The following SPAG6 variants were observed in gnomAD, a reference collection of about 807,000 sequenced individuals.
SPAG6 encodes the protein sperm associated antigen 6.
A neutral mutation model predicts 58.5 loss-of-function variants in SPAG6; 49 were observed. The ratio of observed to expected loss-of-function variants is 0.84; its 90% confidence interval spans 0.67 to 1.06. The LOEUF is 1.06. SPAG6 is among the 50% of genes least tolerant of loss of function. SPAG6 has a pLI of 0.00. For synonymous variants in SPAG6, 233 were observed against 225.6 expected, an observed-to-expected ratio of 1.03 and a Z score of -0.29; for missense variants, 560 against 611.3, an observed-to-expected ratio of 0.92 and a Z score of 0.89.
intron 9 of SPAG6, 50 bp from the exon 10 acceptor site, chr10:22,410,981 A>C: frequency 2.5e-6 from 4 of 1,569,982 alleles, no homozygotes; most frequent in Non-Finnish European, 3.4e-6. Context: ...AATAGTAATA[A>C]TCTAACTTGG....
chr10:22,359,169 C>G (rs1836959098), intron 2 of SPAG6, among the ~76,000 whole-genome samples: 1 of 152,104 alleles, frequency 6.6e-6, no homozygotes, highest in Non-Finnish European at 1.5e-5. Context: ...ATGCCTGAGT[C>G]AGATGGTAAT....
In SPAG6 at chr10:22,401,211, C is replaced by T. The variant is rs772840498; in HGVS notation, c.1248C>T (p.Ala416=). ...TGCAAAAATGTACCTACTTACCAGCCCTTGAACCATTTCTATATGATGCTC... is the reference window on the plus strand; with the variant it reads ...TGCAAAAATGTACCTACTTACCAGCTCTTGAACCATTTCTATATGATGCTC... ...NILQKCTYLP[A]LEPFLYDAPP... is the part of the protein sequence containing the mutation. The change falls in exon 9 of 11, where the codon GCC becomes GCT. Residue 416 remains alanine, a synonymous_variant. Coordinates refer to ENST00000376624, the MANE Select transcript of SPAG6 (RefSeq NM_012443.4). 6.2e-7 allele frequency: 1 copy of T among 1,609,092 alleles called. No homozygotes were observed. The highest frequency in any genetic ancestry group is 1.1e-5 in the South Asian group (1 of 90,940).
At position 22,345,510 on chromosome 10, in the gene SPAG6, C is replaced by T. The variant is rs1011519934; in HGVS notation, c.-102C>T. On this transcript the variant is annotated 5_prime_UTR_variant, in exon 1 of 11. Transcript: ENST00000376624. The surrounding 1 kb of genome is among the most constrained non-coding windows in gnomAD (Gnocchi z 6.3). ...CGCGGGTACACAGAGAAGCGGCTCCCGTCGGAGGCCGAGTCGTCGCCACGA... is the reference window on the plus strand; with the variant it reads ...CGCGGGTACACAGAGAAGCGGCTCCTGTCGGAGGCCGAGTCGTCGCCACGA... 14 of 988,710 alleles carry T rather than the reference C, an allele frequency of 1.4e-5. No homozygotes were observed. In the Admixed American group the frequency reaches 3.5e-4, roughly 25 times the overall value. The allele number at this position is 988,710 out of a possible 1,614,324, so 61.2% of individuals were successfully genotyped here.
chr10:22,367,009 G>GT (rs34674831), intron 3 of SPAG6, among the ~76,000 whole-genome samples: 5,779 of 143,682 alleles, frequency 0.04, 200 homozygotes, highest in Admixed American at 0.11. Context: ...GTTTTGCTGG[G>GT]TTTTTTTTTT....
chr10:22,349,559 G>C (rs2132026956), intron 2 of SPAG6, among the ~76,000 whole-genome samples: 1 of 152,220 alleles, frequency 6.6e-6, no homozygotes, highest in South Asian at 2.1e-4. Flanking sequence ...GAGGTCTTTT[G>C]AAATACACTA....
chr10:22,355,087 C>G (rs1347141119), intron 2 of SPAG6, among the ~76,000 whole-genome samples: 1 of 151,996 alleles, frequency 6.6e-6, no homozygotes, highest in Admixed American at 6.5e-5. Flanking sequence ...ATGATTAATG[C>G]TAATGGTAGA....
intron 4 of SPAG6, among the ~76,000 whole-genome samples, chr10:22,372,575 C>A (rs1328752574): frequency 6.6e-6 from 1 of 152,140 alleles, no homozygotes; most frequent in Non-Finnish European, 1.5e-5. Context: ...TGACTGAAGT[C>A]CTGTGGCTCT....
Position 22,345,512 on chromosome 10 carries a change from T to C in SPAG6, c.-100T>C. 1 of 1,022,810 alleles carries C rather than the reference T, an allele frequency of 9.8e-7. No individual in the cohort carries two copies. The highest frequency in any genetic ancestry group is 1.4e-6 in the Non-Finnish European group (1 of 715,862). 63.4% of individuals were successfully genotyped at this position (1,022,810 alleles called of 1,614,324 possible). A position where few individuals can be genotyped will look rare whatever the true frequency, so the allele number is the denominator to read the frequency against. ...CGGGTACACAGAGAAGCGGCTCCCGTCGGAGGCCGAGTCGTCGCCACGATC... is the reference window on the plus strand; with the variant it reads ...CGGGTACACAGAGAAGCGGCTCCCGCCGGAGGCCGAGTCGTCGCCACGATC... On this transcript the variant is annotated 5_prime_UTR_variant, in exon 1 of 11. Transcript: ENST00000376624. This position sits in a 1 kb window ranked among gnomAD's most constrained non-coding sequence, Gnocchi z 6.3.
At position 22,401,281 on chromosome 10, in the gene SPAG6, A is replaced by G. The variant is rs1273381776; in HGVS notation, c.1314+4A>G. 6.0e-6 allele frequency: 8 copies of G among 1,341,632 alleles called. No individual in the cohort carries two copies. The highest frequency in any genetic ancestry group is 1.7e-5 in the Admixed American group (1 of 58,464). 83.1% of individuals were successfully genotyped at this position (1,341,632 alleles called of 1,614,324 possible). A position where few individuals can be genotyped will look rare whatever the true frequency, so the allele number is the denominator to read the frequency against. On this transcript the variant is annotated splice_donor_region_variant and intron_variant, in intron 9 of 10. Transcript: ENST00000376624. ...TGTGGTTGGACAGTTCAGTAAGGTA[A>G]GAAATGCCAGCCTCTAAGGGGAGGA...
chr10:22,388,834 T>TG lies in SPAG6; in HGVS notation c.853-319dup, dbSNP rs570375047. On this transcript the variant is annotated intron_variant, in intron 6 of 10. Coordinates refer to ENST00000376624, the MANE Select transcript of SPAG6 (RefSeq NM_012443.4). ...TCTGCTTCATACTCACCCATTGTGA[T>TG]GGGGGGGTTTCAGTAGTTAGTTATG... Among the ~76,000 whole-genome samples the TG allele has an allele frequency of 1.6e-4, 24 of 152,192 alleles. No homozygotes were observed. The East Asian group carries it at 3.5e-3, about 22-fold the overall frequency.
intron 2 of SPAG6, among the ~76,000 whole-genome samples, chr10:22,348,139 C>T (rs572742782): frequency 1.4e-4 from 22 of 152,062 alleles, no homozygotes; most frequent in African/African-American, 3.6e-4. Flanking sequence ...TACAGGTGTG[C>T]GCCACCATGC....
chr10:22,414,732 G>A (rs1834827790), intron 10 of SPAG6, among the ~76,000 whole-genome samples: 1 of 152,128 alleles, frequency 6.6e-6, no homozygotes, highest in Non-Finnish European at 1.5e-5. Flanking sequence ...CAAATTTTAT[G>A]TAATCTAAAT....
chr10:22,401,881 G>C (rs758410734), intron 9 of SPAG6, among the ~76,000 whole-genome samples: 16 of 152,170 alleles, frequency 1.1e-4, no homozygotes, highest in Admixed American at 2.0e-4. Context: ...GAATGACTCT[G>C]TTACCACAGA....
At chr10:22,405,026 G>C (rs1358248225) in intron 9 of SPAG6, among the ~76,000 whole-genome samples, 1 of 152,206 alleles carries the variant, frequency 6.6e-6, no homozygotes, top group Non-Finnish European at 1.5e-5. Flanking sequence ...TCAGCTTAAA[G>C]AGATTTTGGG....
At position 22,386,974 on chromosome 10, in the gene SPAG6, G is replaced by C; in HGVS notation, c.678+15G>C. The stretch of plus-strand genomic sequence containing the variant: ...CTAAATTGAAGGTATTTCAAAATAA[G>C]GTTGAAAAATACATCAGCCTTCTTA... On this transcript the variant is annotated intron_variant, in intron 5 of 10. Transcript: ENST00000376624. The C allele has an allele frequency of 6.3e-7, 1 of 1,598,366 alleles. No homozygotes were observed. Among genetic ancestry groups the C allele is most frequent in the Non-Finnish European group, 8.6e-7 (1 of 1,167,146 alleles).
Position 22,391,756 on chromosome 10 carries a change from T to A in SPAG6, c.1033T>A (p.Ser345Thr). The part of the protein sequence containing the change: ...KGVPQLSVCL[S>T]EEPEDHIKAA... The stretch of plus-strand genomic sequence containing the variant: ...TGTACCCCAGTTGTCAGTCTGCTTG[T>A]CAGAAGAACCGGAAGATCATATTAA... Residue 345 changes from serine (S) to threonine (T), a missense_variant, in exon 8 of 11, where the codon TCA becomes ACA. Transcript: ENST00000376624. 1 of 1,613,436 alleles carries A rather than the reference T, an allele frequency of 6.2e-7. No homozygotes were observed. Among genetic ancestry groups the A allele is most frequent in the Non-Finnish European group, 8.5e-7 (1 of 1,179,660 alleles).
intron 3 of SPAG6, 100 bp from the exon 4 acceptor site, chr10:22,368,395 A>G (rs1274844824): frequency 1.2e-6 from 1 of 853,876 alleles, no homozygotes; most frequent in Non-Finnish European, 1.8e-6. Flanking sequence ...GTTGAGCTTT[A>G]TTTATAGTAA....
intron 2 of SPAG6, among the ~76,000 whole-genome samples, chr10:22,360,535 G>A (rs911306014): frequency 6.6e-6 from 1 of 151,132 alleles, no homozygotes; most frequent in Non-Finnish European, 1.5e-5. Context: ...GGAACTCAAA[G>A]CTATAAATTA....
At chr10:22,354,707 G>A (rs1158810965) in intron 2 of SPAG6, among the ~76,000 whole-genome samples, 1 of 152,134 alleles carries the variant, frequency 6.6e-6, no homozygotes, top group Non-Finnish European at 1.5e-5. Context: ...GGTGGTGGCT[G>A]GGACCTAATC....
Sources: allele counts gnomAD v4.1 joint callset (sites outside exome capture counted in the v4.1 genomes callset), GRCh38; gene constraint gnomAD v4.1.1; non-coding constraint Gnocchi (gnomAD v3.1); transcripts MANE v1.5; gene names NCBI Gene and HGNC (gene_info 2026-07-23, HGNC 2026-07-21).